GCN1: variants seen among roughly 807,000 people sequenced by gnomAD.
GCN1 encodes the protein stalled ribosome sensor GCN1.
In GCN1, 90 loss-of-function variants were observed where a neutral mutation model predicts 288.4. The observed-to-expected ratio is 0.31, with a 90% CI of 0.26 to 0.37. The LOEUF (loss-of-function observed/expected upper bound fraction) is 0.37. Among genes scored for constraint, GCN1 ranks in the 10% least tolerant of loss-of-function variants. GCN1 has a pLI of 1.00. For missense variants in GCN1, 2,586 were observed against 3,419.9 expected, an observed-to-expected ratio of 0.76 and a Z score of 6.08; for synonymous variants, 1,386 against 1,420.2, an observed-to-expected ratio of 0.98 and a Z score of 0.54.
chr12:120,155,707 G>A lies in GCN1; in HGVS notation c.3325C>T (p.Leu1109Phe). 2.5e-6 allele frequency: 4 copies of A among 1,614,070 alleles called. No homozygotes were observed. The highest frequency in any genetic ancestry group is 3.4e-6 in the Non-Finnish European group (4 of 1,179,972). Residue 1109 changes from leucine (L) to phenylalanine (F), a missense_variant, in exon 29 of 58, where the codon CTC (leucine) becomes TTC (phenylalanine). Transcript: ENST00000300648. The surrounding 1 kb of genome is among the most constrained non-coding windows in gnomAD (Gnocchi z 4.9). ...RETVLRGLME[L>F]HMVLPAPDTD... ...TCAGGTGCTGGCAATACCATGTGGA[G>A]TTCCATCAGCCCCTGGAAGGGGTGG...
intron 57 of GCN1, 150 bp from the exon 58 acceptor site, chr12:120,128,124 G>T: frequency 1.4e-6 from 1 of 716,682 alleles, no homozygotes; most frequent in Non-Finnish European, 2.3e-6. Context: ...TGGATCCAGG[G>T]AAAGCCAATG....
chr12:120,153,553 C>T lies in GCN1; in HGVS notation c.3868-146G>A. On this transcript the variant is annotated intron_variant, in intron 32 of 57. Transcript: ENST00000300648. The surrounding 1 kb of genome is among the most constrained non-coding windows in gnomAD (Gnocchi z 4.4). ...GCCAGTGGCTCTTCCAGTTTTCTGGCAGGACTGCCACAGACTTAAAAGAAT... is the reference window on the plus strand; with the variant it reads ...GCCAGTGGCTCTTCCAGTTTTCTGGTAGGACTGCCACAGACTTAAAAGAAT... 1 of 889,758 alleles carries T rather than the reference C, an allele frequency of 1.1e-6. No individual in the cohort carries two copies. The highest frequency in any genetic ancestry group is 1.7e-5 in the African/African-American group (1 of 59,486). The allele number at this position is 889,758 out of a possible 1,614,324, so 55.1% of individuals were successfully genotyped here.
At chr12:120,171,561 C>T (rs957655401) in intron 14 of GCN1, among the ~76,000 whole-genome samples, 29 of 152,230 alleles carry the variant, frequency 1.9e-4, no homozygotes, top group African/African-American at 5.8e-4. Flanking sequence ...TAAATGGGTA[C>T]ATCAGAACAT....
chr12:120,149,912 G>T lies in GCN1; in HGVS notation c.4431+10C>A, dbSNP rs771788739. 8 of 1,613,802 alleles carry T rather than the reference G, an allele frequency of 5.0e-6. No individual in the cohort carries two copies. In the African/African-American group the frequency reaches 9.3e-5, roughly 19 times the overall value. ...TCCATGCTGTTCTCCCGAGCAGTCC[G>T]GGGACTTACCTCACGCACATACTGG... On this transcript the variant is annotated intron_variant, in intron 35 of 57. Transcript: ENST00000300648.
Position 120,160,183 on chromosome 12 carries a change from G to T in GCN1, c.2509C>A (p.Gln837Lys). 6.2e-7 allele frequency: 1 copy of T among 1,612,252 alleles called. No individual in the cohort carries two copies. Reference sequence around the variant, plus strand: ...CGGACCTGCGCCTCCCTGTCTAGCTGGGCCTGCAGCATCTCCTTCTGCTTG... The same window carrying T: ...CGGACCTGCGCCTCCCTGTCTAGCTTGGCCTGCAGCATCTCCTTCTGCTTG... ...TSKQKEMLQA[Q>K]LDREAQVRRR... is the part of the protein sequence containing the mutation. Residue 837 changes from glutamine (Q) to lysine (K), a missense_variant, in exon 23 of 58, where the codon CAG (glutamine) becomes AAG (lysine). By Grantham distance (53) the Gln-to-Lys change is moderately conservative. Around this residue, in one of 8 missense-constraint regions of GCN1, gnomAD observed 913 missense variants for 1,107.0 expected, o/e 0.82. Coordinates refer to ENST00000300648, the MANE Select transcript of GCN1 (RefSeq NM_006836.2).
intron 16 of GCN1, among the ~76,000 whole-genome samples, chr12:120,167,484 T>C (rs980789183): frequency 1.5e-4 from 22 of 151,412 alleles, no homozygotes; most frequent in African/African-American, 4.6e-4. Flanking sequence ...AACAAACATA[T>C]ACAGGTATTT....
chr12:120,139,736 T>A (rs987709791), intron 45 of GCN1, among the ~76,000 whole-genome samples: 1 of 152,150 alleles, frequency 6.6e-6, no homozygotes, highest in Admixed American at 6.5e-5. Context: ...ATACCTCCCA[T>A]CTTCTCTAAG....
At chr12:120,179,265 T>C (rs1398035406) in intron 5 of GCN1, among the ~76,000 whole-genome samples, 1 of 151,680 alleles carries the variant, frequency 6.6e-6, no homozygotes, top group Non-Finnish European at 1.5e-5. Flanking sequence ...GGAGTCTCGC[T>C]CTGTCGCCAG....
chr12:120,177,341 C>A, intron 9 of GCN1, 106 bp downstream of exon 9: 3 of 640,642 alleles, frequency 4.7e-6, no homozygotes, highest in Non-Finnish European at 8.5e-6. Flanking sequence ...ATGAATACAT[C>A]CCCCTTCCCT....
intron 16 of GCN1, among the ~76,000 whole-genome samples, chr12:120,168,004 C>T (rs1403902423): frequency 6.6e-6 from 1 of 151,906 alleles, no homozygotes; most frequent in Non-Finnish European, 1.5e-5. Flanking sequence ...GCTCTGTCTC[C>T]ACACATCTCC....
intron 9 of GCN1, among the ~76,000 whole-genome samples, chr12:120,176,589 T>G (rs1376047484): frequency 6.6e-6 from 1 of 152,206 alleles, no homozygotes; most frequent in Admixed American, 6.5e-5. Flanking sequence ...GGATATTTTG[T>G]TTTCTTCCAC....
chr12:120,161,289 G>T (rs2139114756), intron 22 of GCN1, among the ~76,000 whole-genome samples: 1 of 152,310 alleles, frequency 6.6e-6, no homozygotes. Flanking sequence ...AACCGGTTTT[G>T]AGTTGTGGGT....
In GCN1 at chr12:120,156,697, A is replaced by G. The variant is rs1877759983; in HGVS notation, c.3169-93T>C. 9 of 1,284,842 alleles carry G rather than the reference A, an allele frequency of 7.0e-6. No homozygotes were observed. Among genetic ancestry groups the G allele is most frequent in the African/African-American group, 2.9e-5 (2 of 68,914 alleles). The allele number at this position is 1,284,842 out of a possible 1,614,324, so 79.6% of individuals were successfully genotyped here. A position where few individuals can be genotyped will look rare whatever the true frequency, so the allele number is the denominator to read the frequency against. On this transcript the variant is annotated intron_variant, in intron 27 of 57. Transcript: ENST00000300648. The surrounding 1 kb of genome is among the most constrained non-coding windows in gnomAD (Gnocchi z 5.8). ...ATGCACTGAGAACACCCACCCCTAC[A>G]GCACTGCAAGGGCTAAGACCCCAGC...
intron 5 of GCN1, among the ~76,000 whole-genome samples, chr12:120,180,542 T>C (rs1016188066): frequency 7.3e-5 from 11 of 151,160 alleles, no homozygotes; most frequent in African/African-American, 2.2e-4. Context: ...GAGGTGGAGT[T>C]TGCAGTGAGA....
intron 12 of GCN1, 50 bp downstream of exon 12, chr12:120,175,112 G>GCAAGA: frequency 6.9e-7 from 1 of 1,453,288 alleles, no homozygotes; most frequent in Non-Finnish European, 9.2e-7. Flanking sequence ...AGATGACACA[G>GCAAGA]CAAGACTTTC....
At chr12:120,138,122 A>C (rs1877073017) in intron 47 of GCN1, 78 bp from the exon 48 acceptor site, 3 of 1,329,580 alleles carry the variant, frequency 2.3e-6, no homozygotes, top group Non-Finnish European at 2.1e-6. Flanking sequence ...ACGGGTGGGC[A>C]AGAGAGCCCA....
rs766425317 is a variant in GCN1, at chr12:120,137,832, CAT to C, written c.6394-20_6394-19del. 3 of 1,613,050 alleles carry C rather than the reference CAT, an allele frequency of 1.9e-6. No individual in the cohort carries two copies. The highest frequency in any genetic ancestry group is 2.7e-5 in the African/African-American group (2 of 75,044). On this transcript the variant is annotated intron_variant, in intron 48 of 57. Transcript: ENST00000300648. The surrounding 1 kb of genome is among the most constrained non-coding windows in gnomAD (Gnocchi z 5.2). ...GCCATCTCCTGCAAACCACAAGGGACATGTGTGCTGAGCAGGGATCCTCCGGG... is the reference window on the plus strand; with the variant it reads ...GCCATCTCCTGCAAACCACAAGGGACGTGTGCTGAGCAGGGATCCTCCGGG...
chr12:120,128,911 A>G (rs1055122226), intron 57 of GCN1, among the ~76,000 whole-genome samples: 3 of 133,354 alleles, frequency 2.2e-5, no homozygotes, highest in African/African-American at 9.0e-5. Context: ...GCATGATCTC[A>G]GCTCACTGCA....
At position 120,158,165 on chromosome 12, in the gene GCN1, C is replaced by T. The variant is rs749343237; in HGVS notation, c.2906-135G>A. 1 of 810,484 alleles carries T rather than the reference C, an allele frequency of 1.2e-6. No homozygotes were observed. Among genetic ancestry groups the T allele is most frequent in the Non-Finnish European group, 1.9e-6 (1 of 517,396 alleles). 50.2% of individuals were successfully genotyped at this position (810,484 alleles called of 1,614,324 possible). A position where few individuals can be genotyped will look rare whatever the true frequency, so the allele number is the denominator to read the frequency against. ...TTCTGACACCTGGAAGCACATGGCA[C>T]GAGGACAGAGACAGCAGCTGGTAGT... On this transcript the variant is annotated intron_variant, in intron 25 of 57. Transcript: ENST00000300648. The surrounding 1 kb of genome is among the most constrained non-coding windows in gnomAD (Gnocchi z 4.3).
Sources: gnomAD v4.1 joint callset for allele counts (sites outside exome capture counted in the v4.1 genomes callset) on GRCh38, gnomAD v4.1.1 for gene constraint, gnomAD v4.1.1 regional missense constraint, Gnocchi (gnomAD v3.1) non-coding constraint, MANE v1.5 for transcripts, NCBI Gene and HGNC (gene_info 2026-07-23, HGNC 2026-07-21) for gene names.